SLCO6A1: variants seen among roughly 807,000 people sequenced by gnomAD.
The protein encoded by SLCO6A1 is solute carrier organic anion transporter family member 6A1, also known as cancer/testis antigen 48.
Under a neutral mutation model 72.7 loss-of-function variants are expected in SLCO6A1, and 65 were observed. The observed-to-expected ratio is 0.89, with a 90% CI of 0.73 to 1.10. The LOEUF is 1.10. Among genes scored for constraint, SLCO6A1 ranks in the 50% least tolerant of loss-of-function variants. The pLI, the probability that SLCO6A1 is intolerant of heterozygous loss-of-function variation, is 0.00. For missense variants in SLCO6A1, 874 were observed against 872.6 expected (o/e 1.00, Z -0.02); for synonymous variants, 314 against 298.2 (o/e 1.05, Z -0.55).
chr5:102,493,458 A>C (rs1752776398), intron 1 of SLCO6A1, among the ~76,000 whole-genome samples: 1 of 152,216 alleles, frequency 6.6e-6, no homozygotes. Context: ...AATTAATGAC[A>C]AAAAATTCTC....
At chr5:102,413,584 T>C (rs1228235172) in intron 8 of SLCO6A1, among the ~76,000 whole-genome samples, 4 of 152,164 alleles carry the variant, frequency 2.6e-5, no homozygotes, top group Non-Finnish European at 5.9e-5. Context: ...CTGGTCTTTA[T>C]TTGGTCTTTG....
intron 1 of SLCO6A1, among the ~76,000 whole-genome samples, chr5:102,491,707 C>G (rs765658982): frequency 6.6e-6 from 1 of 152,234 alleles, no homozygotes; most frequent in Non-Finnish European, 1.5e-5. Context: ...TGCGCAGCCC[C>G]GGTTCCCGCC....
chr5:102,473,982 AT>A (rs1751764176), intron 4 of SLCO6A1, among the ~76,000 whole-genome samples: 1 of 151,974 alleles, frequency 6.6e-6, no homozygotes, highest in African/African-American at 2.4e-5. Flanking sequence ...TATTCTTAGA[AT>A]TAGAATATTG....
At chr5:102,412,844 G>A in intron 9 of SLCO6A1, 146 bp downstream of exon 9, 1 of 297,822 alleles carries the variant, frequency 3.4e-6, no homozygotes, top group Non-Finnish European at 5.9e-6. Context: ...AGAAAAAATA[G>A]GTTTTATACA....
chr5:102,481,924 G>A (rs1752214888), intron 1 of SLCO6A1, among the ~76,000 whole-genome samples: 1 of 152,078 alleles, frequency 6.6e-6, no homozygotes, highest in Non-Finnish European at 1.5e-5. Flanking sequence ...AATTTTTGAG[G>A]GGAAATATAT....
chr5:102,437,136 T>C (rs140326602), intron 7 of SLCO6A1, among the ~76,000 whole-genome samples: 2 of 152,290 alleles, frequency 1.3e-5, no homozygotes, highest in African/African-American at 2.4e-5. Flanking sequence ...TTAGAAACTA[T>C]AGGGCAAAAT....
At chr5:102,401,033 T>C (rs1196243638) in intron 9 of SLCO6A1, among the ~76,000 whole-genome samples, 2 of 145,620 alleles carry the variant, frequency 1.4e-5, no homozygotes, top group Admixed American at 6.9e-5. Context: ...GAGAAAATAA[T>C]AAAACAAGGA....
At chr5:102,462,246 T>C (rs1751075696) in intron 4 of SLCO6A1, among the ~76,000 whole-genome samples, 1 of 151,948 alleles carries the variant, frequency 6.6e-6, no homozygotes, top group African/African-American at 2.4e-5. Context: ...GTGACACAAA[T>C]GAATGGAAGC....
At chr5:102,483,356 G>T (rs1420104456) in intron 1 of SLCO6A1, among the ~76,000 whole-genome samples, 1 of 152,016 alleles carries the variant, frequency 6.6e-6, no homozygotes, top group African/African-American at 2.4e-5. Flanking sequence ...ACTTTTCAAG[G>T]CCTCCCCTAA....
At position 102,413,058 on chromosome 5, in the gene SLCO6A1, C is replaced by A. The variant is rs1417776709; in HGVS notation, c.1558G>T (p.Asp520Tyr). 1.9e-6 allele frequency: 3 copies of A among 1,573,112 alleles called. No individual in the cohort carries two copies. Among genetic ancestry groups the A allele is most frequent in the Non-Finnish European group, 2.6e-6 (3 of 1,164,718 alleles). The change falls in exon 9 of 14, where the codon GAT (aspartate) becomes TAT (tyrosine). Residue 520 changes from aspartate (D) to tyrosine (Y), a missense_variant. Physicochemically the swap from Asp to Tyr is radical, Grantham distance 160. Coordinates refer to ENST00000506729, the MANE Select transcript of SLCO6A1 (RefSeq NM_173488.5). ...SSIYSSICGR[D>Y]DIEYFSPCFA... ...CAGGGAGAAAAATATTCAATATCAT[C>A]TCTTCCACATATAGAAGAATAAATT...
intron 6 of SLCO6A1, among the ~76,000 whole-genome samples, chr5:102,458,115 G>C (rs1045664922): frequency 6.6e-5 from 10 of 152,016 alleles, no homozygotes; most frequent in South Asian, 4.2e-4. Context: ...GTGGGTGGAG[G>C]GGGGAGGGAT....
At chr5:102,375,627 T>A (rs1484143396) in intron 12 of SLCO6A1, among the ~76,000 whole-genome samples, 2 of 152,124 alleles carry the variant, frequency 1.3e-5, no homozygotes, top group African/African-American at 4.8e-5. Context: ...ATAATAATAG[T>A]TATGGTGAAA....
At chr5:102,478,018 T>G (rs572937777) in intron 2 of SLCO6A1, among the ~76,000 whole-genome samples, 157 bp from the exon 3 acceptor site, 1 of 152,264 alleles carries the variant, frequency 6.6e-6, no homozygotes, top group Non-Finnish European at 1.5e-5. Context: ...AGTACTGCAA[T>G]CAATCATCAT....
intron 1 of SLCO6A1, among the ~76,000 whole-genome samples, chr5:102,487,729 C>T (rs781756022): frequency 1.9e-4 from 29 of 152,170 alleles, no homozygotes; most frequent in South Asian, 1.4e-3. Flanking sequence ...ATTTTAGAGA[C>T]TAGATCCAAG....
At chr5:102,437,568 AC>A (rs1405209319) in intron 7 of SLCO6A1, among the ~76,000 whole-genome samples, 1 of 152,008 alleles carries the variant, frequency 6.6e-6, no homozygotes, top group Non-Finnish European at 1.5e-5. Flanking sequence ...AGTGCCCCAA[AC>A]CTGGTGTGCT....
intron 9 of SLCO6A1, among the ~76,000 whole-genome samples, chr5:102,411,711 T>A (rs10065821): frequency 0.64 from 96,969 of 151,768 alleles, 31,177 homozygotes; most frequent in African/African-American, 0.66. Flanking sequence ...TATCATGACT[T>A]ACTTTCTAAT....
intron 6 of SLCO6A1, among the ~76,000 whole-genome samples, chr5:102,442,550 G>C (rs567192665): frequency 1.3e-5 from 2 of 152,108 alleles, no homozygotes; most frequent in East Asian, 3.9e-4. Context: ...GAGATTTGTT[G>C]TTTGCAAACT....
chr5:102,470,125 G>T (rs1252424560), intron 4 of SLCO6A1, among the ~76,000 whole-genome samples: 4 of 151,888 alleles, frequency 2.6e-5, no homozygotes, highest in South Asian at 2.1e-4. Context: ...TCTCTTTTTT[G>T]TGTGTGTGTC....
intron 1 of SLCO6A1, among the ~76,000 whole-genome samples, chr5:102,498,244 T>A (rs534319050): frequency 2.4e-4 from 37 of 152,250 alleles, no homozygotes; most frequent in African/African-American, 8.7e-4. Flanking sequence ...CCTTACTCTT[T>A]CTCCATGGCA....
Sources: allele counts gnomAD v4.1 joint callset (sites outside exome capture counted in the v4.1 genomes callset), GRCh38; gene constraint gnomAD v4.1.1; transcripts MANE v1.5; gene names NCBI Gene and HGNC (gene_info 2026-07-23, HGNC 2026-07-21).